The following PTPRD variants were observed in gnomAD, a reference collection of about 807,000 sequenced individuals.
The protein encoded by PTPRD is protein tyrosine phosphatase receptor type D, also known as receptor-type tyrosine-protein phosphatase delta.
PTPRD carries 34 observed loss-of-function variants against 214.5 expected under a neutral mutation model. The ratio of observed to expected loss-of-function variants is 0.16; its 90% confidence interval spans 0.12 to 0.21. The LOEUF (loss-of-function observed/expected upper bound fraction) is 0.21, where lower values mean the gene tolerates loss of function less well. Ranked by LOEUF, PTPRD falls within the 10% of genes least tolerant of loss-of-function variation. The pLI is 1.00. For synonymous variants in PTPRD, 1,128 were observed against 845.7 expected (o/e 1.33, Z -5.79); for missense variants, 2,545 against 2,398.7 (o/e 1.06, Z -1.27).
Position 8,486,243 on chromosome 9 carries a change from T to C in PTPRD, c.2574A>G (p.Leu858=), listed in dbSNP as rs1228556690. Residue 858 remains leucine, a synonymous_variant, in exon 28 of 46, where the codon CTA becomes CTG. Transcript: ENST00000381196. ...GCTCCATATCCTTGCGGCCAAATTT[T>C]AGACGGTAGCCCTGAAGAGGTCCAA... is the stretch of plus-strand genomic sequence containing the variant. ...DTFGPLQGYR[L]KFGRKDMEPL... 1.9e-5 allele frequency: 30 copies of C among 1,614,088 alleles called. No homozygotes were observed. The highest frequency in any genetic ancestry group is 2.5e-5 in the Non-Finnish European group (29 of 1,180,036).
Position 10,129,066 on chromosome 9 carries a change from C to G in PTPRD, c.-544-95276G>C, listed in dbSNP as rs189560668. The stretch of plus-strand genomic sequence containing the variant: ...CTACTATTAACAAGGGTAGAGAAGA[C>G]ATTTTCCAATGTAACAAATAATGTA... On this transcript the variant is annotated intron_variant, in intron 3 of 45. Transcript: ENST00000381196. Among the ~76,000 whole-genome samples, 299 of 152,192 alleles carry G rather than the reference C, an allele frequency of 2.0e-3. 6 individuals are homozygous for G. Among genetic ancestry groups the G allele is most frequent in the Admixed American group, 0.014 (219 of 15,266 alleles).
chr9:9,087,538 T>C (rs954725497), intron 10 of PTPRD, among the ~76,000 whole-genome samples: 7 of 152,078 alleles, frequency 4.6e-5, no homozygotes, highest in African/African-American at 1.4e-4. Flanking sequence ...GATTGAAATA[T>C]GAGAAACATA....
intron 5 of PTPRD, among the ~76,000 whole-genome samples, chr9:9,840,546 AG>A (rs1468234529): frequency 6.6e-6 from 1 of 152,070 alleles, no homozygotes; most frequent in African/African-American, 2.4e-5. Context: ...AGGAGCCAAA[AG>A]TAAAATAAAA....
chr9:8,526,291 A>G (rs2074119127), intron 17 of PTPRD, among the ~76,000 whole-genome samples: 1 of 151,566 alleles, frequency 6.6e-6, no homozygotes, highest in Admixed American at 6.6e-5. Flanking sequence ...AGAAAAAGGA[A>G]AAAGGAAGAA....
intron 39 of PTPRD, among the ~76,000 whole-genome samples, chr9:8,360,410 A>G (rs936357350): frequency 2.0e-5 from 3 of 152,224 alleles, no homozygotes; most frequent in Non-Finnish European, 2.9e-5. Flanking sequence ...AATCTAATAT[A>G]CAGTTATGCA....
At chr9:9,860,002 G>T (rs568311198) in intron 5 of PTPRD, among the ~76,000 whole-genome samples, 1 of 152,008 alleles carries the variant, frequency 6.6e-6, no homozygotes, top group African/African-American at 2.4e-5. Flanking sequence ...AAACTCCTCT[G>T]GTACAATTCA....
chr9:10,439,428 A>G (rs145065487), intron 2 of PTPRD, among the ~76,000 whole-genome samples: 3 of 151,960 alleles, frequency 2.0e-5, no homozygotes, highest in African/African-American at 7.2e-5. Flanking sequence ...AGGAAAAAGT[A>G]CTAGAATGAA....
intron 9 of PTPRD, among the ~76,000 whole-genome samples, chr9:9,246,114 AC>A (rs530050623): frequency 1.3e-5 from 2 of 152,066 alleles, no homozygotes; most frequent in Non-Finnish European, 2.9e-5. Flanking sequence ...AATGGGGGTG[AC>A]TTTCAACATA....
chr9:8,502,848 G>GTGTATATATATATATA (rs1554658829), intron 23 of PTPRD, among the ~76,000 whole-genome samples: 4 of 147,100 alleles, frequency 2.7e-5, no homozygotes, highest in African/African-American at 1.0e-4. Flanking sequence ...ATGTGTGTGT[G>GTGTATATATATATATA]TATATATATA....
chr9:9,379,561 G>A (rs2061626392), intron 9 of PTPRD, among the ~76,000 whole-genome samples: 1 of 151,916 alleles, frequency 6.6e-6, no homozygotes, highest in East Asian at 1.9e-4. Flanking sequence ...CATTTCGTCA[G>A]TATCCATAAA....
At chr9:9,205,983 T>C (rs2099944644) in intron 9 of PTPRD, among the ~76,000 whole-genome samples, 1 of 152,200 alleles carries the variant, frequency 6.6e-6, no homozygotes, top group African/African-American at 2.4e-5. Context: ...TATTTTATCT[T>C]GGGTTTTAAG....
chr9:9,267,343 A>G (rs1940397066), intron 9 of PTPRD, among the ~76,000 whole-genome samples: 1 of 151,344 alleles, frequency 6.6e-6, no homozygotes, highest in Non-Finnish European at 1.5e-5. Flanking sequence ...ATCCACAAAC[A>G]ATAAATAATG....
intron 9 of PTPRD, among the ~76,000 whole-genome samples, chr9:9,202,445 T>C (rs749327409): frequency 2.0e-5 from 3 of 152,172 alleles, no homozygotes; most frequent in Non-Finnish European, 2.9e-5. Flanking sequence ...TATTCTACTA[T>C]TGTTGGATTG....
At chr9:9,392,458 C>T (rs2066198233) in intron 9 of PTPRD, among the ~76,000 whole-genome samples, 1 of 152,136 alleles carries the variant, frequency 6.6e-6, no homozygotes, top group Admixed American at 6.6e-5. Flanking sequence ...ATAAAATTGT[C>T]TCATATCAGT....
intron 8 of PTPRD, among the ~76,000 whole-genome samples, chr9:9,441,340 A>G (rs2087673908): frequency 1.3e-5 from 2 of 152,226 alleles, no homozygotes; most frequent in East Asian, 3.8e-4. Context: ...AGTTTGAACT[A>G]GAAAGATGAA....
At chr9:10,050,289 G>C (rs887381907) in intron 3 of PTPRD, among the ~76,000 whole-genome samples, 2 of 151,772 alleles carry the variant, frequency 1.3e-5, no homozygotes, top group African/African-American at 4.8e-5. Flanking sequence ...GGCCGGGCTC[G>C]GTGGCTCACC....
intron 12 of PTPRD, among the ~76,000 whole-genome samples, chr9:8,675,538 CAAAAAAAAA>C (rs61509653): frequency 4.1e-5 from 2 of 49,112 alleles, no homozygotes; most frequent in African/African-American, 8.6e-5. Flanking sequence ...CACACACACA[CAAAAAAAAA>C]AAAAAAAAAA....
chr9:9,455,232 T>C (rs2092817288), intron 8 of PTPRD, among the ~76,000 whole-genome samples: 1 of 151,588 alleles, frequency 6.6e-6, no homozygotes, highest in African/African-American at 2.4e-5. Context: ...TAGATGACAT[T>C]GAGAGATGTA....
intron 11 of PTPRD, among the ~76,000 whole-genome samples, chr9:8,882,122 G>A (rs188622014): frequency 3.2e-4 from 49 of 152,224 alleles, no homozygotes; most frequent in Non-Finnish European, 8.8e-5. Context: ...AACCAACAAG[G>A]TCTTCTCTTT....
Sources: allele counts gnomAD v4.1 joint callset (sites outside exome capture counted in the v4.1 genomes callset), GRCh38; gene constraint gnomAD v4.1.1; transcripts MANE v1.5; gene names NCBI Gene and HGNC (gene_info 2026-07-23, HGNC 2026-07-21).